Variants in OSBPL10 observed in about 807,000 individuals in gnomAD.
OSBPL10 encodes oxysterol binding protein like 10.
OSBPL10 carries 49 observed loss-of-function variants against 81.7 expected under a neutral mutation model. The ratio of observed to expected loss-of-function variants is 0.60; its 90% CI spans 0.48 to 0.76. The LOEUF is 0.76. OSBPL10 is among the 30% of genes least tolerant of loss of function. The pLI, the probability that OSBPL10 is intolerant of heterozygous loss-of-function variation, is 0.00. For synonymous variants in OSBPL10, 419 were observed against 383.6 expected, an observed-to-expected ratio of 1.09 and a Z score of -1.08; for missense variants, 923 against 987.8, an observed-to-expected ratio of 0.93 and a Z score of 0.88.
At chr3:31,822,913 T>TA (rs71097447) in intron 4 of OSBPL10, among the ~76,000 whole-genome samples, 1,851 of 89,080 alleles carry the variant, frequency 0.021, 101 homozygotes, top group African/African-American at 0.067. Flanking sequence ...CCCCCAACTC[T>TA]AAAAAAAAAA....
chr3:31,861,342 T>C (rs1701052980), intron 3 of OSBPL10, among the ~76,000 whole-genome samples: 1 of 152,194 alleles, frequency 6.6e-6, no homozygotes, highest in African/African-American at 2.4e-5. Flanking sequence ...GCATATATAT[T>C]CCCCTGTAAA....
At chr3:31,838,543 T>C (rs1193119877) in intron 3 of OSBPL10, among the ~76,000 whole-genome samples, 2 of 132,800 alleles carry the variant, frequency 1.5e-5, no homozygotes, top group African/African-American at 2.9e-5. Context: ...AAAAACCTCA[T>C]ATATTGAAAT....
chr3:31,754,965 G>A (rs1055045065), intron 4 of OSBPL10, among the ~76,000 whole-genome samples: 1 of 152,108 alleles, frequency 6.6e-6, no homozygotes, highest in Non-Finnish European at 1.5e-5. Context: ...GAAGTCTCAT[G>A]TTTAAGTTTA....
At chr3:31,941,307 G>C (rs771837449) in intron 1 of OSBPL10, among the ~76,000 whole-genome samples, 2 of 152,110 alleles carry the variant, frequency 1.3e-5, no homozygotes, top group African/African-American at 2.4e-5. Flanking sequence ...TACTCTAAAA[G>C]CCAAGATAAA....
At chr3:31,968,231 T>A (rs1698456731) in intron 1 of OSBPL10, among the ~76,000 whole-genome samples, 1 of 150,566 alleles carries the variant, frequency 6.6e-6, no homozygotes, top group Non-Finnish European at 1.5e-5. Context: ...GTAGACTTTA[T>A]ACAAATGTTG....
At chr3:31,768,223 A>T (rs965777708) in intron 4 of OSBPL10, among the ~76,000 whole-genome samples, 1 of 152,130 alleles carries the variant, frequency 6.6e-6, no homozygotes, top group African/African-American at 2.4e-5. Flanking sequence ...GCATATGACC[A>T]GTAGTGAGGA....
In OSBPL10 at chr3:31,879,819, A is replaced by G. The variant is rs142728953; in HGVS notation, c.293T>C (p.Leu98Pro). 3 of 1,613,806 alleles carry G rather than the reference A, an allele frequency of 1.9e-6. No individual in the cohort carries two copies. Among genetic ancestry groups the G allele is most frequent in the Non-Finnish European group, 2.5e-6 (3 of 1,179,872 alleles). The change falls in exon 2 of 12, where the codon CTG (leucine) becomes CCG (proline). Residue 98 changes from leucine to proline, a missense_variant. Physicochemically the swap from Leu to Pro is moderately conservative, Grantham distance 98. Transcript: ENST00000396556. ...LQGWQNRYFV[L>P]DFEAGILQYF... ...CTGCAGGATGCCAGCCTCGAAATCC[A>G]GTACGAAGTACCTGCACAGAGAAAC...
chr3:31,955,290 C>T (rs1280059189), intron 1 of OSBPL10, among the ~76,000 whole-genome samples: 1 of 152,198 alleles, frequency 6.6e-6, no homozygotes, highest in Non-Finnish European at 1.5e-5. Flanking sequence ...TCACAACTTC[C>T]CTGCAAGGTA....
intron 3 of OSBPL10, among the ~76,000 whole-genome samples, chr3:31,861,044 A>G (rs1701045729): frequency 6.6e-6 from 1 of 152,206 alleles, no homozygotes. Flanking sequence ...AGGTTATTAA[A>G]TATACATTGC....
At chr3:31,688,095 G>A (rs1004723422) in intron 7 of OSBPL10, among the ~76,000 whole-genome samples, 2 of 151,756 alleles carry the variant, frequency 1.3e-5, no homozygotes, top group African/African-American at 4.8e-5. Flanking sequence ...AAGGAAGGGC[G>A]TAGGAGGCGT....
chr3:31,930,719 A>C (rs1460421932), intron 1 of OSBPL10, among the ~76,000 whole-genome samples: 3 of 152,160 alleles, frequency 2.0e-5, no homozygotes, highest in Non-Finnish European at 2.9e-5. Context: ...ACTGGGTAGA[A>C]TAAAAAGATA....
At chr3:31,892,258 A>G (rs4458399) in intron 1 of OSBPL10, among the ~76,000 whole-genome samples, 131,473 of 151,936 alleles carry the variant, frequency 0.87, 57,218 homozygotes, top group East Asian at 0.96. Flanking sequence ...GTTTGGAGCA[A>G]AGAGAAGGAA....
intron 10 of OSBPL10, among the ~76,000 whole-genome samples, chr3:31,666,006 G>C (rs569418559): frequency 2.6e-5 from 4 of 152,302 alleles, no homozygotes; most frequent in Admixed American, 6.5e-5. Flanking sequence ...TTGAGAGCAG[G>C]GAGGAGAATG....
intron 1 of OSBPL10, among the ~76,000 whole-genome samples, chr3:31,929,026 C>T (rs774113585): frequency 2.6e-5 from 4 of 152,178 alleles, no homozygotes; most frequent in African/African-American, 7.2e-5. Context: ...ATCTCCTTCA[C>T]ACCAGCTAGA....
chr3:31,684,655 A>G lies in OSBPL10; in HGVS notation c.1246-541T>C, dbSNP rs368302575. On this transcript the variant is annotated intron_variant, in intron 7 of 11. Coordinates refer to ENST00000396556, the MANE Select transcript of OSBPL10 (RefSeq NM_017784.5). ...AGGCCTCGGTAGAAGAATGGTGTAC[A>G]AGCCCCACCATGACTGAGGAAGGGT... is the stretch of plus-strand genomic sequence containing the variant. Among the ~76,000 whole-genome samples, 9 of 152,338 alleles carry G rather than the reference A, an allele frequency of 5.9e-5. 1 individual carries two copies. The highest frequency in any genetic ancestry group is 1.9e-4 in the East Asian group (1 of 5,178).
intron 1 of OSBPL10, among the ~76,000 whole-genome samples, chr3:31,924,217 T>TA (rs34813837): frequency 0.23 from 30,048 of 128,590 alleles, 4,037 homozygotes; most frequent in African/African-American, 0.36. Context: ...AGACTTCATC[T>TA]AAAAAAAAAA....
upstream of OSBPL10, among the ~76,000 whole-genome samples, chr3:31,985,554 T>C (rs6770955): frequency 0.28 from 42,794 of 152,080 alleles, 6,856 homozygotes; most frequent in East Asian, 0.72. Flanking sequence ...CTAGTAGTTG[T>C]TTCTGAGGCT....
chr3:31,852,767 C>T (rs1027956311), intron 3 of OSBPL10, among the ~76,000 whole-genome samples: 1 of 151,890 alleles, frequency 6.6e-6, no homozygotes, highest in East Asian at 1.9e-4. Context: ...TTAGTAGCGA[C>T]GGGGTTTCAC....
intron 1 of OSBPL10, among the ~76,000 whole-genome samples, chr3:31,904,799 A>C (rs1696354677): frequency 1.3e-5 from 2 of 152,220 alleles, no homozygotes; most frequent in Admixed American, 1.3e-4. Context: ...GAACCTGTCA[A>C]AATCTGTGTC....
Sources: gnomAD v4.1 joint callset for allele counts (sites outside exome capture counted in the v4.1 genomes callset) on GRCh38, gnomAD v4.1.1 for gene constraint, MANE v1.5 for transcripts, NCBI Gene and HGNC (gene_info 2026-07-23, HGNC 2026-07-21) for gene names.